Variants in BBS9 observed in about 807,000 individuals in gnomAD.
BBS9 encodes Bardet-Biedl syndrome 9, also known as protein PTHB1.
A neutral mutation model predicts 117.7 loss-of-function variants in BBS9; 89 were observed. That is an observed-to-expected ratio of 0.76 (90% CI 0.64 to 0.90). BBS9 has a LOEUF of 0.90. BBS9 is among the 40% of genes least tolerant of loss of function. The pLI, the probability that BBS9 is intolerant of heterozygous loss-of-function variation, is 0.00. For synonymous variants in BBS9, 379 were observed against 370.9 expected (o/e 1.02, Z -0.25); for missense variants, 982 against 1,042.2 (o/e 0.94, Z 0.80).
At chr7:33,627,273 G>T (rs35896017) in intron 21 of BBS9, among the ~76,000 whole-genome samples, 47,133 of 152,170 alleles carry the variant, frequency 0.31, 8,687 homozygotes, top group African/African-American at 0.5. Context: ...TGTTAGGCCT[G>T]CAGGTGCATA....
chr7:33,257,505 A>C, intron 6 of BBS9, 95 bp downstream of exon 6: 1 of 1,072,346 alleles, frequency 9.3e-7, no homozygotes, highest in Non-Finnish European at 1.4e-6. Context: ...ATCACAAATG[A>C]AAAAGAGATC....
chr7:33,341,457 A>G lies in BBS9; in HGVS notation c.1275+484A>G, dbSNP rs1425057309. On this transcript the variant is annotated intron_variant, in intron 11 of 22. Coordinates refer to ENST00000242067, the MANE Select transcript of BBS9 (RefSeq NM_198428.3). Reference sequence around the variant, plus strand: ...AGCTTAAGAGTATATAGTTGGTCCAATACTTAATTTTTCCCCTGTTTCTAT... The same window carrying G: ...AGCTTAAGAGTATATAGTTGGTCCAGTACTTAATTTTTCCCCTGTTTCTAT... Among the ~76,000 whole-genome samples, 5 of 151,974 alleles carry G rather than the reference A, an allele frequency of 3.3e-5. 1 individual carries two copies.
chr7:33,506,297 C>CTTTTTTTTTTTTTTTTTTT (rs1846143855), intron 20 of BBS9, among the ~76,000 whole-genome samples: 1 of 152,036 alleles, frequency 6.6e-6, no homozygotes, highest in Non-Finnish European at 1.5e-5. Flanking sequence ...TTTTTGTGTG[C>CTTTTTTTTTTTTTTTTTTT]TTTTATTTAC....
At chr7:33,507,501 C>T in intron 20 of BBS9, among the ~76,000 whole-genome samples, 1 of 152,166 alleles carries the variant, frequency 6.6e-6, no homozygotes, top group African/African-American at 2.4e-5. Flanking sequence ...GCCTCGGCCT[C>T]CCAAAGTGCT....
intron 5 of BBS9, among the ~76,000 whole-genome samples, chr7:33,240,424 A>AT (rs1013278039): frequency 3.9e-4 from 59 of 151,992 alleles, no homozygotes; most frequent in African/African-American, 1.4e-3. Context: ...TGCCTGGCTA[A>AT]TTTTTTTATT....
intron 21 of BBS9, among the ~76,000 whole-genome samples, chr7:33,603,198 C>G (rs1442357817): frequency 6.6e-6 from 1 of 152,114 alleles, no homozygotes; most frequent in Non-Finnish European, 1.5e-5. Flanking sequence ...TACAGCATTC[C>G]TGGCCTCCCC....
chr7:33,570,467 A>G (rs934919251), intron 21 of BBS9, among the ~76,000 whole-genome samples: 4 of 152,226 alleles, frequency 2.6e-5, no homozygotes, highest in Non-Finnish European at 5.9e-5. Flanking sequence ...CCTTACAGTA[A>G]AATTCCATTT....
At chr7:33,382,147 T>G (rs1320116122) in intron 17 of BBS9, among the ~76,000 whole-genome samples, 3 of 152,088 alleles carry the variant, frequency 2.0e-5, no homozygotes, top group African/African-American at 7.2e-5. Context: ...ATAGAGGACT[T>G]AGTCCTAGAT....
At chr7:33,609,954 C>T (rs113899739), downstream of BBS9, among the ~76,000 whole-genome samples, 1,100 of 152,186 alleles carry the variant, frequency 7.2e-3, 8 homozygotes, top group Non-Finnish European at 0.011. Flanking sequence ...GCCAGATTGT[C>T]AAGGCCACCA....
rs765165022 is a variant in BBS9, at chr7:33,534,141, C to G, written c.2486C>G (p.Thr829Ser). 2.5e-6 allele frequency: 4 copies of G among 1,614,164 alleles called. No individual in the cohort carries two copies. The East Asian group carries it at 8.9e-5, about 36-fold the overall frequency. Reference protein sequence around the residue: ...LSKGGRLCLSTDAAAPQTMVM... With the variant: ...LSKGGRLCLSSDAAAPQTMVM... The stretch of plus-strand genomic sequence containing the variant: ...AAAGGTGGCCGTCTCTGCCTAAGTA[C>G]CGATGCAGCAGCCCCACAGACCATG... The change falls in exon 21 of 23, where the codon ACC (threonine) becomes AGC (serine). Residue 829 changes from threonine (T) to serine (S), a missense_variant. Transcript: ENST00000242067.
At chr7:33,347,861 A>G (rs1159199791) in intron 12 of BBS9, among the ~76,000 whole-genome samples, 1 of 152,050 alleles carries the variant, frequency 6.6e-6, no homozygotes, top group Non-Finnish European at 1.5e-5. Context: ...TCTGTCTCAT[A>G]TAACAAAGTC....
At chr7:33,153,312 T>C (rs983013401) in intron 3 of BBS9, among the ~76,000 whole-genome samples, 2 of 152,208 alleles carry the variant, frequency 1.3e-5, no homozygotes, top group Non-Finnish European at 2.9e-5. Context: ...AAGTAAGTCT[T>C]CCCCCTACAA....
At chr7:33,330,353 C>G (rs1813774196) in intron 9 of BBS9, among the ~76,000 whole-genome samples, 1 of 152,138 alleles carries the variant, frequency 6.6e-6, no homozygotes, top group Non-Finnish European at 1.5e-5. Flanking sequence ...AGTTGAATAT[C>G]AGGAACTTCA....
intron 5 of BBS9, among the ~76,000 whole-genome samples, chr7:33,240,796 C>G: frequency 6.6e-6 from 1 of 152,106 alleles, no homozygotes; most frequent in East Asian, 1.9e-4. Flanking sequence ...AAAAATTTTA[C>G]GTTTTACCTG....
intron 9 of BBS9, among the ~76,000 whole-genome samples, chr7:33,294,420 T>C (rs1327268124): frequency 6.6e-6 from 1 of 151,958 alleles, no homozygotes; most frequent in Non-Finnish European, 1.5e-5. Context: ...CATCCGAGTA[T>C]GTATGTACAT....
At chr7:33,231,498 A>G (rs1792428766) in intron 5 of BBS9, among the ~76,000 whole-genome samples, 1 of 144,106 alleles carries the variant, frequency 6.9e-6, no homozygotes, top group Non-Finnish European at 1.5e-5. Flanking sequence ...ATTTTAAGTC[A>G]GAGAGTGTGG....
intron 21 of BBS9, among the ~76,000 whole-genome samples, chr7:33,599,474 T>C (rs1863452848): frequency 6.6e-6 from 1 of 152,218 alleles, no homozygotes; most frequent in Non-Finnish European, 1.5e-5. Context: ...TAATGATTGC[T>C]ATATGTATGA....
intron 9 of BBS9, chr7:33,314,207 A>T (rs1809949888): frequency 2.4e-6 from 1 of 408,468 alleles, no homozygotes; most frequent in Non-Finnish European, 4.7e-6. Flanking sequence ...TGTGTTAGGT[A>T]AGGACTTCAA....
At chr7:33,634,193 G>C (rs551787286) in intron 21 of BBS9, among the ~76,000 whole-genome samples, 3 of 152,210 alleles carry the variant, frequency 2.0e-5, no homozygotes, top group Non-Finnish European at 4.4e-5. Flanking sequence ...CCTGAGCCTT[G>C]GTAGGGAGGT....
Sources: gnomAD v4.1 joint callset for allele counts (sites outside exome capture counted in the v4.1 genomes callset) on GRCh38, gnomAD v4.1.1 for gene constraint, MANE v1.5 for transcripts, NCBI Gene and HGNC (gene_info 2026-07-23, HGNC 2026-07-21) for gene names.